The following RUBCNL variants were observed in gnomAD, a reference collection of about 807,000 sequenced individuals.
RUBCNL encodes rubicon like autophagy enhancer, also known as protein associated with UVRAG as autophagy enhancer.
In RUBCNL, 62 loss-of-function variants were observed where a neutral mutation model predicts 69.5. That is an observed-to-expected ratio of 0.89 (90% confidence interval 0.73 to 1.10). The LOEUF is 1.10. Among genes scored for constraint, RUBCNL ranks in the 50% least tolerant of loss-of-function variants. The pLI is 0.00. For missense variants in RUBCNL, 768 were observed against 798.1 expected (o/e 0.96, Z 0.45); for synonymous variants, 291 against 303.6 (o/e 0.96, Z 0.43).
At chr13:46,383,869 G>T (rs920511652) in intron 1 of RUBCNL, among the ~76,000 whole-genome samples, 2 of 152,192 alleles carry the variant, frequency 1.3e-5, no homozygotes, top group Non-Finnish European at 2.9e-5. Flanking sequence ...CCTACTTGAG[G>T]AGCTATTTTC....
chr13:46,372,806 A>G (rs1241834390), intron 2 of RUBCNL, among the ~76,000 whole-genome samples: 1 of 152,204 alleles, frequency 6.6e-6, no homozygotes, highest in African/African-American at 2.4e-5. Flanking sequence ...ACATTGGGAG[A>G]GGAAACATTC....
At chr13:46,366,603 A>G (rs1224220539) in intron 5 of RUBCNL, among the ~76,000 whole-genome samples, 1 of 152,214 alleles carries the variant, frequency 6.6e-6, no homozygotes, top group Admixed American at 6.5e-5. Flanking sequence ...TCATATACCT[A>G]TTCTGTGCCA....
intron 12 of RUBCNL, among the ~76,000 whole-genome samples, chr13:46,347,322 G>T (rs369001854): frequency 6.6e-6 from 1 of 152,038 alleles, no homozygotes; most frequent in South Asian, 2.1e-4. Context: ...CACGAGAATC[G>T]CTTGAACCTG....
chr13:46,344,606 A>G, intron 14 of RUBCNL, 135 bp downstream of exon 14: 1 of 653,288 alleles, frequency 1.5e-6, no homozygotes, highest in South Asian at 1.9e-5. Context: ...ACACACCAGC[A>G]TGACTGTACT....
In RUBCNL at chr13:46,335,557, C is replaced by T. The variant is rs942502942; in HGVS notation, c.*7828G>A. ...GGAGGTTTTTAATTAGGTTGAACCA[C>T]ACATGAAATTGCCACTTGGTAGCTC... is the stretch of plus-strand genomic sequence containing the variant. On this transcript the variant is annotated 3_prime_UTR_variant, in exon 15 of 15. Transcript: ENST00000429979. 1.3e-5 allele frequency among the ~76,000 whole-genome samples: 2 copies of T among 152,192 alleles called. No individual in the cohort carries two copies. Among genetic ancestry groups the T allele is most frequent in the African/African-American group, 4.8e-5 (2 of 41,440 alleles).
intron 3 of RUBCNL, among the ~76,000 whole-genome samples, chr13:46,369,691 C>T (rs1014186752): frequency 6.6e-6 from 1 of 152,230 alleles, no homozygotes; most frequent in African/African-American, 2.4e-5. Flanking sequence ...TCAAAACAAA[C>T]ATTTTTTCTG....
chr13:46,360,764 A>C lies in RUBCNL; in HGVS notation c.1119+677T>G, dbSNP rs377673647. ...AGAAGGCTGCTTGCTCTCTGACAGC[A>C]GTGAGCAGTGTGTTCCATGAGGGAA... On this transcript the variant is annotated intron_variant, in intron 8 of 14. Coordinates refer to ENST00000429979, the MANE Select transcript of RUBCNL (RefSeq NM_025113.5). 2.2e-3 allele frequency among the ~76,000 whole-genome samples: 341 copies of C among 152,358 alleles called. 4 individuals are homozygous for C. Among genetic ancestry groups the C allele is most frequent in the South Asian group, 0.012 (56 of 4,830 alleles).
chr13:46,344,629 G>T, intron 14 of RUBCNL, 112 bp downstream of exon 14: 1 of 716,084 alleles, frequency 1.4e-6, no homozygotes, highest in Non-Finnish European at 2.4e-6. Flanking sequence ...AAATAACTGT[G>T]CTTAAATTAT....
At position 46,359,509 on chromosome 13, in the gene RUBCNL, T is replaced by C. The variant is rs1365985268; in HGVS notation, c.1242A>G (p.Ile414Met). The C allele has an allele frequency of 1.9e-6, 3 of 1,601,520 alleles. No individual in the cohort carries two copies. The highest frequency in any genetic ancestry group is 2.3e-5 in the South Asian group (2 of 88,570). Reference protein sequence around the residue: ...EDWAPPRFQIIFNIHPPLKRD... With the variant: ...EDWAPPRFQIMFNIHPPLKRD... Reference sequence around the variant, plus strand: ...ACTTGAGTGGTGGATGAATATTAAATATGATTTGAAATCTAGGAGGAGCCC... The same window carrying C: ...ACTTGAGTGGTGGATGAATATTAAACATGATTTGAAATCTAGGAGGAGCCC... Residue 414 changes from isoleucine (I) to methionine (M), a missense_variant, in exon 9 of 15, where the codon ATA becomes ATG. Coordinates refer to ENST00000429979, the MANE Select transcript of RUBCNL (RefSeq NM_025113.5).
At position 46,371,971 on chromosome 13, in the gene RUBCNL, G is replaced by C; in HGVS notation, c.505C>G (p.Pro169Ala). ...TCAGCAGCAGATGTCAGATGGGAAG[G>C]CTCAAAAAAAGCACTGTCAGTCTCA... The part of the protein sequence containing the change: ...YPETDSAFFE[P>A]SHLTSAADEG... Residue 169 changes from proline to alanine, a missense_variant, in exon 3 of 15, where the codon CCT becomes GCT. Physicochemically the swap from Pro to Ala is conservative, Grantham distance 27 (BLOSUM62 -1). Transcript: ENST00000429979. 6.2e-7 allele frequency: 1 copy of C among 1,613,996 alleles called. No individual in the cohort carries two copies. Among genetic ancestry groups the C allele is most frequent in the Non-Finnish European group, 8.5e-7 (1 of 1,179,888 alleles).
chr13:46,377,500 G>A (rs1470571862), intron 2 of RUBCNL, among the ~76,000 whole-genome samples: 3 of 152,356 alleles, frequency 2.0e-5, no homozygotes, highest in East Asian at 3.9e-4. Flanking sequence ...CTGACATCAA[G>A]TGATCCACCC....
At position 46,335,238 on chromosome 13, in the gene RUBCNL, T is replaced by A. The variant is rs941618792; in HGVS notation, c.*8147A>T. Reference sequence around the variant, plus strand: ...CACCATTGTGCCCAGCTAATTTGTGTCTTTTTGTTGTTGTTGTTGTTGTTT... The same window carrying A: ...CACCATTGTGCCCAGCTAATTTGTGACTTTTTGTTGTTGTTGTTGTTGTTT... On this transcript the variant is annotated 3_prime_UTR_variant, in exon 15 of 15. Transcript: ENST00000429979. 3.1e-5 allele frequency among the ~76,000 whole-genome samples: 4 copies of A among 128,050 alleles called. No individual in the cohort carries two copies. The highest frequency in any genetic ancestry group is 6.8e-5 in the Non-Finnish European group (4 of 58,628). The allele number at this position is 128,050 out of a possible 152,430, so 84.0% of individuals were successfully genotyped here.
intron 1 of RUBCNL, chr13:46,385,304 A>G: frequency 3.1e-6 from 3 of 977,492 alleles, no homozygotes; most frequent in Non-Finnish European, 3.6e-6. Context: ...AGCTCCTTTT[A>G]ATTAAAAAGA....
intron 2 of RUBCNL, among the ~76,000 whole-genome samples, chr13:46,375,327 G>C (rs1407773476): frequency 6.6e-6 from 1 of 152,236 alleles, no homozygotes; most frequent in Non-Finnish European, 1.5e-5. Flanking sequence ...GAAGTCAGGA[G>C]TTCGAGACCA....
rs1490420497 is a variant in RUBCNL at position 46,339,995 on chromosome 13, GC to G, written c.*3389del. 3.6e-4 allele frequency among the ~76,000 whole-genome samples: 55 copies of G among 152,004 alleles called. No homozygotes were observed. Among genetic ancestry groups the G allele is most frequent in the Admixed American group, 3.3e-3 (51 of 15,274 alleles). ...TTTTTAAGGCTCTGAGGAAGAATCT[GC>G]CCCCTGCCTCTCTCCGGCTTCTGGG... On this transcript the variant is annotated 3_prime_UTR_variant, in exon 15 of 15. Transcript: ENST00000429979.
intron 6 of RUBCNL, among the ~76,000 whole-genome samples, 176 bp downstream of exon 6, chr13:46,362,937 TAG>T (rs1491204760): frequency 0.017 from 806 of 47,166 alleles, 133 homozygotes; most frequent in African/African-American, 0.078. Context: ...TATATATATA[TAG>T]ATATATATAT....
chr13:46,372,429 C>CAGG lies in RUBCNL; in HGVS notation c.44_46dup (p.Pro15_Trp16insSer). 4 of 1,611,536 alleles carry CAGG rather than the reference C, an allele frequency of 2.5e-6. No individual in the cohort carries two copies. The highest frequency in any genetic ancestry group is 3.4e-6 in the Non-Finnish European group (4 of 1,178,852). On this transcript the variant is annotated inframe_insertion, in exon 3 of 15. Transcript: ENST00000429979. ...GCCAGAGTGATCGCTGATCCCTTCC[C>CAGG]AGGGCTCCACAGGAGAATCCTGCCT... is the stretch of plus-strand genomic sequence containing the variant.
intron 1 of RUBCNL, chr13:46,378,605 G>C (rs369862975): frequency 6.6e-6 from 1 of 152,324 alleles, no homozygotes; most frequent in African/African-American, 2.4e-5. Context: ...GCCCCATCGA[G>C]AATGATTGCA....
intron 1 of RUBCNL, among the ~76,000 whole-genome samples, chr13:46,384,399 T>C (rs192517540): frequency 1.3e-5 from 2 of 152,224 alleles, no homozygotes; most frequent in Admixed American, 1.3e-4. Context: ...AATACATTTC[T>C]TTATAAGAAT....
Sources: allele counts gnomAD v4.1 joint callset (sites outside exome capture counted in the v4.1 genomes callset), GRCh38; gene constraint gnomAD v4.1.1; transcripts MANE v1.5; gene names NCBI Gene and HGNC (gene_info 2026-07-23, HGNC 2026-07-21).